The following NRXN1 variants were observed in gnomAD, a reference collection of about 807,000 sequenced individuals.
NRXN1 encodes the protein neurexin 1.
Under a neutral mutation model 150.9 loss-of-function variants are expected in NRXN1, and 39 were observed. The observed-to-expected ratio is 0.26, with a 90% confidence interval of 0.20 to 0.34. NRXN1 has a LOEUF of 0.34. NRXN1 is among the 10% of genes least tolerant of loss of function. The pLI, the probability that NRXN1 is intolerant of heterozygous loss-of-function variation, is 1.00. For synonymous variants in NRXN1, 924 were observed against 757.0 expected (o/e 1.22, Z -3.62); for missense variants, 1,815 against 1,949.9 (o/e 0.93, Z 1.30).
At chr2:50,635,569 A>G (rs900345626) in intron 5 of NRXN1, among the ~76,000 whole-genome samples, 43 of 152,086 alleles carry the variant, frequency 2.8e-4, no homozygotes, top group African/African-American at 9.9e-4. Context: ...GATGCATACA[A>G]AGTCATGCAT....
intron 21 of NRXN1, among the ~76,000 whole-genome samples, chr2:49,999,239 C>G (rs1198211119): frequency 6.6e-6 from 1 of 152,038 alleles, no homozygotes; most frequent in African/African-American, 2.4e-5. Context: ...ATTGGCTACT[C>G]TCCTATAAAT....
intron 5 of NRXN1, among the ~76,000 whole-genome samples, chr2:50,749,053 A>G (rs1424046588): frequency 6.6e-6 from 1 of 152,120 alleles, no homozygotes; most frequent in Non-Finnish European, 1.5e-5. Context: ...GTTTTTCAAA[A>G]TCTCCCAATC....
chr2:50,420,961 CCTGTGTGTGT>C (rs2083938929), intron 17 of NRXN1, among the ~76,000 whole-genome samples: 1 of 115,466 alleles, frequency 8.7e-6, no homozygotes, highest in Non-Finnish European at 1.8e-5. Context: ...TCAAAATAGA[CCTGTGTGTGT>C]GTGTGTGTGT....
chr2:50,434,324 C>A (rs1031996232), intron 17 of NRXN1, among the ~76,000 whole-genome samples: 3 of 151,890 alleles, frequency 2.0e-5, no homozygotes, highest in African/African-American at 7.3e-5. Context: ...CCTCGTGATC[C>A]GCCTACCTCG....
chr2:50,477,718 T>A lies in NRXN1; in HGVS notation c.3071-5247A>T, dbSNP rs184020643. ...AGAAAAAGGACAATTGCCTTATAGA[T>A]TTGAATAGCTAAAACTCCAGGAAAT... On this transcript the variant is annotated intron_variant, in intron 15 of 22. Transcript: ENST00000401669. 1.8e-3 allele frequency among the ~76,000 whole-genome samples: 279 copies of A among 152,348 alleles called. 3 individuals are homozygous for A. The highest frequency in any genetic ancestry group is 6.4e-3 in the African/African-American group (268 of 41,582).
intron 17 of NRXN1, among the ~76,000 whole-genome samples, chr2:50,339,435 A>G (rs910593399): frequency 1.6e-4 from 24 of 152,178 alleles, no homozygotes; most frequent in African/African-American, 5.3e-4. Flanking sequence ...AAAAATGACT[A>G]CAAGATTCAA....
chr2:50,825,841 C>T (rs1319893453), intron 5 of NRXN1, among the ~76,000 whole-genome samples: 1 of 152,192 alleles, frequency 6.6e-6, no homozygotes, highest in Non-Finnish European at 1.5e-5. Flanking sequence ...CTTTCTGCTG[C>T]TAGACTGTGT....
intron 19 of NRXN1, among the ~76,000 whole-genome samples, chr2:50,079,015 C>T (rs554499696): frequency 6.6e-6 from 1 of 152,168 alleles, no homozygotes; most frequent in Non-Finnish European, 1.5e-5. Flanking sequence ...TTTCCATCAT[C>T]CTTCTACATT....
intron 18 of NRXN1, among the ~76,000 whole-genome samples, chr2:50,141,858 G>A (rs1342986831): frequency 6.6e-6 from 1 of 152,038 alleles, no homozygotes; most frequent in Non-Finnish European, 1.5e-5. Flanking sequence ...TGGTGGGGAT[G>A]TAAATTAGTA....
intron 5 of NRXN1, among the ~76,000 whole-genome samples, chr2:50,694,666 A>G (rs1477429261): frequency 6.6e-6 from 1 of 152,132 alleles, no homozygotes; most frequent in Admixed American, 6.5e-5. Flanking sequence ...AACCAATTCT[A>G]CCAAAGAACA....
intron 5 of NRXN1, among the ~76,000 whole-genome samples, chr2:50,745,571 CT>C (rs1193184726): frequency 3.3e-5 from 5 of 151,992 alleles, no homozygotes; most frequent in African/African-American, 1.2e-4. Context: ...TCCCATGCTG[CT>C]GATAAAGACA....
intron 18 of NRXN1, among the ~76,000 whole-genome samples, chr2:50,233,552 G>A (rs1473947874): frequency 6.6e-6 from 1 of 151,954 alleles, no homozygotes; most frequent in Non-Finnish European, 1.5e-5. Context: ...ATCTCTTAAT[G>A]CAATCAACTT....
chr2:50,808,253 A>AT (rs1275618043), intron 5 of NRXN1, among the ~76,000 whole-genome samples: 1 of 152,142 alleles, frequency 6.6e-6, no homozygotes, highest in African/African-American at 2.4e-5. Flanking sequence ...CATGTTATGG[A>AT]TAAAGAAGCA....
intron 18 of NRXN1, among the ~76,000 whole-genome samples, chr2:50,159,914 CTT>C (rs2059259111): frequency 6.6e-6 from 1 of 152,056 alleles, no homozygotes. Flanking sequence ...ACGTCCAAGA[CTT>C]TGTGTTTGTG....
At chr2:50,806,721 C>A (rs1667559303) in intron 5 of NRXN1, among the ~76,000 whole-genome samples, 1 of 152,092 alleles carries the variant, frequency 6.6e-6, no homozygotes, top group South Asian at 2.1e-4. Flanking sequence ...TTGATGGTTT[C>A]TTTTCCACTC....
At chr2:50,252,253 C>CTTTTTTTTTTTTTTTT (rs2067187876) in intron 17 of NRXN1, among the ~76,000 whole-genome samples, 1 of 58,864 alleles carries the variant, frequency 1.7e-5, no homozygotes, top group Non-Finnish European at 3.2e-5. Context: ...TTTCTTTTTT[C>CTTTTTTTTTTTTTTTT]TTTTCTTTTT....
At chr2:50,202,339 T>C (rs1967991) in intron 18 of NRXN1, among the ~76,000 whole-genome samples, 19,145 of 152,108 alleles carry the variant, frequency 0.13, 1,314 homozygotes, top group South Asian at 0.16. Flanking sequence ...ACCCCGTCTC[T>C]ACTAAAAATA....
At position 50,472,500 on chromosome 2, in the gene NRXN1, A is replaced by G. The variant is rs116737278; in HGVS notation, c.3071-29T>C. ...CAAGAAGATCAAAGTCTTTGTTACA[A>G]AAGTACCATGTCATTGACTTTAAAC... On this transcript the variant is annotated intron_variant, in intron 15 of 22. Coordinates refer to ENST00000401669, the MANE Select transcript of NRXN1 (RefSeq NM_001330078.2). The G allele has an allele frequency of 6.6e-3, 10,480 of 1,588,262 alleles. 123 individuals carry two copies. Among genetic ancestry groups the G allele is most frequent in the Non-Finnish European group, 5.6e-3 (6,473 of 1,159,472 alleles).
chr2:50,143,872 C>G (rs564397931), intron 18 of NRXN1, among the ~76,000 whole-genome samples: 1 of 151,958 alleles, frequency 6.6e-6, no homozygotes, highest in African/African-American at 2.4e-5. Flanking sequence ...AAAGGCATTT[C>G]CAACTCCACA....
Sources: gnomAD v4.1 joint callset for allele counts (sites outside exome capture counted in the v4.1 genomes callset) on GRCh38, gnomAD v4.1.1 for gene constraint, MANE v1.5 for transcripts, NCBI Gene and HGNC (gene_info 2026-07-23, HGNC 2026-07-21) for gene names.